The following KIF26B variants were observed in gnomAD, a reference collection of about 807,000 sequenced individuals.
The protein encoded by KIF26B is kinesin-like protein KIF26B.
In KIF26B, 63 loss-of-function variants were observed where a neutral mutation model predicts 151.2. That is an observed-to-expected ratio of 0.42 (90% CI 0.34 to 0.51). The LOEUF (loss-of-function observed/expected upper bound fraction) is 0.51, where lower values mean the gene tolerates loss of function less well. KIF26B is among the 20% of genes least tolerant of loss of function. The pLI, the probability that KIF26B is intolerant of heterozygous loss-of-function variation, is 0.07. For missense variants in KIF26B, 2,813 were observed against 2,913.6 expected (o/e 0.97, Z 0.79); for synonymous variants, 1,357 against 1,262.1 (o/e 1.08, Z -1.59).
In KIF26B at chr1:245,227,871, G is replaced by A. The variant is rs1208099791; in HGVS notation, c.465+71188G>A. On this transcript the variant is annotated intron_variant, in intron 2 of 14. Transcript: ENST00000407071. This position sits in a 1 kb window ranked among gnomAD's most constrained non-coding sequence, Gnocchi z 4.1. Reference sequence around the variant, plus strand: ...CAAAAAATTAGCCGGGCATGGTGGCGGGCACCTGTAATCCCAGCTACTTAG... The same window carrying A: ...CAAAAAATTAGCCGGGCATGGTGGCAGGCACCTGTAATCCCAGCTACTTAG... 2.6e-5 allele frequency among the ~76,000 whole-genome samples: 4 copies of A among 151,986 alleles called. No homozygotes were observed. The highest frequency in any genetic ancestry group is 2.1e-4 in the South Asian group (1 of 4,790).
intron 2 of KIF26B, among the ~76,000 whole-genome samples, chr1:245,240,722 A>G (rs1485665760): frequency 6.6e-6 from 1 of 152,216 alleles, no homozygotes; most frequent in Non-Finnish European, 1.5e-5. Context: ...ATATCAGAAA[A>G]GCAACAATAC....
At chr1:245,255,478 T>C (rs1226594735) in intron 2 of KIF26B, among the ~76,000 whole-genome samples, 1 of 152,216 alleles carries the variant, frequency 6.6e-6, no homozygotes, top group Non-Finnish European at 1.5e-5. Flanking sequence ...GAGTTTTCCT[T>C]TTGGAGAGCC....
chr1:245,156,696 C>G lies in KIF26B; in HGVS notation c.465+13C>G. On this transcript the variant is annotated intron_variant, in intron 2 of 14. Coordinates refer to ENST00000407071, the MANE Select transcript of KIF26B (RefSeq NM_018012.4). ...CTTCCCGGGCAAGGTGAGCGCCGCG[C>G]GGGGCTGGCTGGGGAGGCGCCGGGA... The G allele has an allele frequency of 6.8e-7, 1 of 1,464,698 alleles. No homozygotes were observed. The allele number at this position is 1,464,698 out of a possible 1,614,324, so 90.7% of individuals were successfully genotyped here. A position where few individuals can be genotyped will look rare whatever the true frequency, so the allele number is the denominator to read the frequency against.
chr1:245,492,624 A>G (rs973490773), intron 4 of KIF26B, among the ~76,000 whole-genome samples: 1 of 152,236 alleles, frequency 6.6e-6, no homozygotes, highest in Non-Finnish European at 1.5e-5. Flanking sequence ...ATTTGTGACC[A>G]AAGGACATTT....
chr1:245,286,497 G>A (rs1183962381), intron 2 of KIF26B, among the ~76,000 whole-genome samples: 9 of 152,110 alleles, frequency 5.9e-5, no homozygotes, highest in African/African-American at 9.7e-5. Context: ...AGCCAAGATG[G>A]CACCACTGCA....
At chr1:245,432,843 G>T (rs1658813927) in intron 4 of KIF26B, among the ~76,000 whole-genome samples, 1 of 152,148 alleles carries the variant, frequency 6.6e-6, no homozygotes, top group African/African-American at 2.4e-5. Flanking sequence ...AATGTAAGGG[G>T]GACTGCCGGA....
chr1:245,373,775 G>C (rs1252529063), intron 3 of KIF26B, among the ~76,000 whole-genome samples: 1 of 151,890 alleles, frequency 6.6e-6, no homozygotes, highest in Non-Finnish European at 1.5e-5. Flanking sequence ...TAAGATATGA[G>C]CACAGTCTGG....
chr1:245,466,161 A>C (rs2103060943), intron 4 of KIF26B, among the ~76,000 whole-genome samples: 1 of 148,930 alleles, frequency 6.7e-6, no homozygotes, highest in South Asian at 2.2e-4. Flanking sequence ...CTGTAGAGTA[A>C]GAGTCTGATT....
chr1:245,296,644 T>G (rs1224744958), intron 2 of KIF26B, among the ~76,000 whole-genome samples: 2 of 152,232 alleles, frequency 1.3e-5, no homozygotes, highest in Non-Finnish European at 2.9e-5. Flanking sequence ...AAATCCTTGC[T>G]CACGAAGTCG....
chr1:245,495,859 A>G lies in KIF26B; in HGVS notation c.1167-44908A>G, dbSNP rs1660503472. 6.6e-6 allele frequency among the ~76,000 whole-genome samples: 1 copy of G among 152,218 alleles called. No homozygotes were observed. The highest frequency in any genetic ancestry group is 2.1e-4 in the South Asian group (1 of 4,826). ...TCATTATTTTTAAAGGAGCAACACT[A>G]AGACAGTAACTCATTTCTCAACAGA... On this transcript the variant is annotated intron_variant, in intron 4 of 14. Transcript: ENST00000407071. The surrounding 1 kb of genome is among the most constrained non-coding windows in gnomAD (Gnocchi z 4.2).
chr1:245,588,196 G>A (rs1161772643), intron 5 of KIF26B, among the ~76,000 whole-genome samples: 2 of 152,288 alleles, frequency 1.3e-5, no homozygotes, highest in Admixed American at 1.3e-4. Context: ...GGAACAGACT[G>A]GGATTAGGTA....
At position 245,400,167 on chromosome 1, in the gene KIF26B, A is replaced by G. The variant is rs553001686; in HGVS notation, c.1000-19412A>G. Among the ~76,000 whole-genome samples the G allele has an allele frequency of 2.1e-4, 32 of 152,332 alleles. 1 individual carries two copies. Among genetic ancestry groups the G allele is most frequent in the African/African-American group, 7.0e-4 (29 of 41,586 alleles). On this transcript the variant is annotated intron_variant, in intron 3 of 14. Transcript: ENST00000407071. ...TCATTTTCTGAGGGTGCAATTTTAT[A>G]TAGAAGATATTTCACTGTGGTCTGT... is the stretch of plus-strand genomic sequence containing the variant.
At chr1:245,664,057 C>T (rs2044185682) in intron 10 of KIF26B, among the ~76,000 whole-genome samples, 1 of 152,118 alleles carries the variant, frequency 6.6e-6, no homozygotes, top group South Asian at 2.1e-4. Flanking sequence ...TTCAACAATG[C>T]ATTTACTAAG....
At chr1:245,677,887 T>G (rs1453146750) in intron 10 of KIF26B, among the ~76,000 whole-genome samples, 3 of 152,250 alleles carry the variant, frequency 2.0e-5, no homozygotes, top group Non-Finnish European at 4.4e-5. Context: ...AGGAGACCCT[T>G]TGGGGCAGAA....
rs777695493 is a variant in KIF26B, at chr1:245,601,715, C to A, written c.1351-862C>A. ...TTGGACTGAACTCACAACACAGTAACAAAGAGCCAGTTAGAGCAAATGCTG... is the reference window on the plus strand; with the variant it reads ...TTGGACTGAACTCACAACACAGTAAAAAAGAGCCAGTTAGAGCAAATGCTG... On this transcript the variant is annotated intron_variant, in intron 5 of 14. Coordinates refer to ENST00000407071, the MANE Select transcript of KIF26B (RefSeq NM_018012.4). This position sits in a 1 kb window ranked among gnomAD's most constrained non-coding sequence, Gnocchi z 4.4. 3.9e-4 allele frequency among the ~76,000 whole-genome samples: 60 copies of A among 152,220 alleles called. No individual in the cohort carries two copies. The highest frequency in any genetic ancestry group is 3.5e-4 in the Non-Finnish European group (24 of 68,040).
At chr1:245,393,374 G>A (rs1172696685) in intron 3 of KIF26B, among the ~76,000 whole-genome samples, 1 of 152,146 alleles carries the variant, frequency 6.6e-6, no homozygotes, top group African/African-American at 2.4e-5. Context: ...TATTTTCATT[G>A]ATCTCTCAGA....
Position 245,685,647 on chromosome 1 carries a change from C to T in KIF26B, c.2664C>T (p.Asp888=), listed in dbSNP as rs1221325159. 2 of 1,613,286 alleles carry T rather than the reference C, an allele frequency of 1.2e-6. No individual in the cohort carries two copies. Among genetic ancestry groups the T allele is most frequent in the African/African-American group, 2.7e-5 (2 of 74,944 alleles). The change falls in exon 12 of 15, where the codon GAC becomes GAT. Residue 888 remains aspartate, a synonymous_variant. Coordinates refer to ENST00000407071, the MANE Select transcript of KIF26B (RefSeq NM_018012.4). ...KELTDNEGPP[D]FVPIVPALQK... is the part of the protein sequence containing the mutation. Reference sequence around the variant, plus strand: ...TCACCGACAACGAGGGCCCCCCAGACTTTGTCCCTATCGTGCCAGCCCTGC... The same window carrying T: ...TCACCGACAACGAGGGCCCCCCAGATTTTGTCCCTATCGTGCCAGCCCTGC...
intron 4 of KIF26B, among the ~76,000 whole-genome samples, chr1:245,533,218 C>G (rs1318060581): frequency 6.6e-6 from 1 of 152,134 alleles, no homozygotes; most frequent in Admixed American, 6.5e-5. Flanking sequence ...CACAGCAGCA[C>G]TGGCCATTTT....
intron 4 of KIF26B, among the ~76,000 whole-genome samples, chr1:245,485,830 C>T (rs1263927738): frequency 6.6e-6 from 1 of 152,232 alleles, no homozygotes; most frequent in African/African-American, 2.4e-5. Context: ...TGCCCTTTCA[C>T]ACGAGTGATG....
Sources: allele counts gnomAD v4.1 joint callset (sites outside exome capture counted in the v4.1 genomes callset), GRCh38; gene constraint gnomAD v4.1.1; non-coding constraint Gnocchi (gnomAD v3.1); transcripts MANE v1.5; gene names NCBI Gene and HGNC (gene_info 2026-07-23, HGNC 2026-07-21).